The following TTC23 variants were observed in gnomAD, a reference collection of about 807,000 sequenced individuals.
TTC23 encodes the protein tetratricopeptide repeat domain 23.
TTC23 carries 58 observed loss-of-function variants against 55.1 expected under a neutral mutation model. The ratio of observed to expected loss-of-function variants is 1.05; its 90% CI spans 0.85 to 1.31. The LOEUF (loss-of-function observed/expected upper bound fraction) is 1.31. TTC23 is among the 50% of genes most tolerant of loss of function. TTC23 has a pLI of 0.00. For missense variants in TTC23, 516 were observed against 534.4 expected (o/e 0.97, Z 0.34); for synonymous variants, 203 against 199.9 (o/e 1.02, Z -0.13).
At chr15:99,197,286 T>C (rs2075814598) in intron 9 of TTC23, among the ~76,000 whole-genome samples, 1 of 151,966 alleles carries the variant, frequency 6.6e-6, no homozygotes, top group Non-Finnish European at 1.5e-5. Context: ...GTATTGTTAG[T>C]AGAGATGGGG....
At chr15:99,223,668 G>C (rs1343228801) in intron 5 of TTC23, among the ~76,000 whole-genome samples, 1 of 152,224 alleles carries the variant, frequency 6.6e-6, no homozygotes, top group Non-Finnish European at 1.5e-5. Context: ...TGGCCCCATG[G>C]AGAGAAGACC....
chr15:99,176,332 C>A (rs2073547449), intron 9 of TTC23, among the ~76,000 whole-genome samples: 7 of 152,126 alleles, frequency 4.6e-5, no homozygotes, highest in Admixed American at 4.6e-4. Context: ...CATGAGTAGG[C>A]CAGGCATGGT....
At chr15:99,247,611 T>C (rs2080361638) in intron 1 of TTC23, among the ~76,000 whole-genome samples, 1 of 152,166 alleles carries the variant, frequency 6.6e-6, no homozygotes, top group Admixed American at 6.5e-5. Flanking sequence ...ATGCAAAGGA[T>C]CGCATAATGT....
At chr15:99,222,922 G>T (rs916596541) in intron 5 of TTC23, among the ~76,000 whole-genome samples, 1 of 152,174 alleles carries the variant, frequency 6.6e-6, no homozygotes, top group Admixed American at 6.5e-5. Flanking sequence ...GTGTGAACCC[G>T]GGAGGCGGAG....
intron 9 of TTC23, among the ~76,000 whole-genome samples, chr15:99,182,283 CACACACAT>C (rs1022139625): frequency 6.0e-5 from 9 of 151,040 alleles, no homozygotes; most frequent in African/African-American, 1.2e-4. Context: ...CACACACACA[CACACACAT>C]AATCATAACC....
chr15:99,175,888 G>A (rs2073493855), intron 9 of TTC23, among the ~76,000 whole-genome samples: 1 of 152,160 alleles, frequency 6.6e-6, no homozygotes, highest in Non-Finnish European at 1.5e-5. Context: ...CCAGCTATTT[G>A]GAAGGCTGAG....
Position 99,234,739 on chromosome 15 carries a change from G to A in TTC23, c.-21+249C>T, listed in dbSNP as rs551408743. ...ATATACCAAGAACAAATAAGCACAT[G>A]CTTTATATTCAACATTATTAGGCAT... On this transcript the variant is annotated intron_variant, in intron 4 of 13. Transcript: ENST00000394132. 7.2e-5 allele frequency among the ~76,000 whole-genome samples: 11 copies of A among 152,164 alleles called. No individual in the cohort carries two copies. The East Asian group carries it at 2.1e-3, about 29-fold the overall frequency.
At chr15:99,144,658 TG>T (rs2151842341) in intron 12 of TTC23, 1 of 152,354 alleles carries the variant, frequency 6.6e-6, no homozygotes, top group African/African-American at 2.4e-5. Context: ...CAAGGCTACG[TG>T]ACTCCATAAT....
At chr15:99,247,415 G>T (rs1297277889) in intron 1 of TTC23, among the ~76,000 whole-genome samples, 1 of 152,156 alleles carries the variant, frequency 6.6e-6, no homozygotes, top group Non-Finnish European at 1.5e-5. Flanking sequence ...TGTATTTACT[G>T]TAATACAATT....
rs529501504 is a variant in TTC23 at position 99,136,634 on chromosome 15, A to G, written c.*1376T>C. On this transcript the variant is annotated 3_prime_UTR_variant, in exon 14 of 14. Transcript: ENST00000394132. Reference sequence around the variant, plus strand: ...CTCATAACCTAATCACCTCTCCAAGACCCCACCCCCAATACCATCCCTTTG... The same window carrying G: ...CTCATAACCTAATCACCTCTCCAAGGCCCCACCCCCAATACCATCCCTTTG... 2 of 152,154 alleles carry G rather than the reference A, an allele frequency of 1.3e-5. No homozygotes were observed. Among genetic ancestry groups the G allele is most frequent in the African/African-American group, 4.8e-5 (2 of 41,460 alleles). The allele number at this position is 152,154 out of a possible 1,614,324, so 9.4% of individuals were successfully genotyped here. A position where few individuals can be genotyped will look rare whatever the true frequency, so the allele number is the denominator to read the frequency against.
intron 9 of TTC23, among the ~76,000 whole-genome samples, chr15:99,184,630 C>T (rs2074490432): frequency 6.6e-6 from 1 of 152,132 alleles, no homozygotes; most frequent in African/African-American, 2.4e-5. Flanking sequence ...TAGGAAGTAA[C>T]TAACTTGCTT....
chr15:99,174,818 T>C (rs1292620042), intron 10 of TTC23, among the ~76,000 whole-genome samples: 1 of 152,182 alleles, frequency 6.6e-6, no homozygotes, highest in Non-Finnish European at 1.5e-5. Flanking sequence ...TGGATAGAGA[T>C]TGGCTGTATT....
chr15:99,147,553 A>AT (rs1410416408), intron 12 of TTC23, among the ~76,000 whole-genome samples: 1 of 152,204 alleles, frequency 6.6e-6, no homozygotes, highest in Non-Finnish European at 1.5e-5. Flanking sequence ...CAAAATAAGA[A>AT]TGAATGACCA....
At chr15:99,148,271 G>A (rs1371811446) in intron 12 of TTC23, among the ~76,000 whole-genome samples, 1 of 143,238 alleles carries the variant, frequency 7.0e-6, no homozygotes, top group Non-Finnish European at 1.5e-5. Flanking sequence ...TGAGGCAGGG[G>A]AATCGCTTGA....
chr15:99,199,920 T>C lies in TTC23; in HGVS notation c.758A>G (p.Gln253Arg). 1.9e-6 allele frequency: 3 copies of C among 1,610,614 alleles called. No homozygotes were observed. The South Asian group carries it at 3.3e-5, about 18-fold the overall frequency. The change falls in exon 9 of 14, where the codon CAG becomes CGG. Residue 253 changes from glutamine (Q) to arginine (R), a missense_variant and splice_region_variant. Transcript: ENST00000394132. ...LHDVSINHFLQAHLIILSRSP... is the reference protein window; with the variant it reads ...LHDVSINHFLRAHLIILSRSP... ...GGTAGCCAGGACCTTGTAGCTTACCTGGAGGAAGTGGTTGATGGATACATC... is the reference window on the plus strand; with the variant it reads ...GGTAGCCAGGACCTTGTAGCTTACCCGGAGGAAGTGGTTGATGGATACATC...
At chr15:99,197,157 C>T (rs1200656277) in intron 9 of TTC23, among the ~76,000 whole-genome samples, 2 of 151,190 alleles carry the variant, frequency 1.3e-5, no homozygotes, top group African/African-American at 4.9e-5. Context: ...GGCTGGAATG[C>T]AGTGGCGCGA....
intron 6 of TTC23, among the ~76,000 whole-genome samples, chr15:99,219,494 CAG>C (rs1382396112): frequency 6.6e-6 from 1 of 152,094 alleles, no homozygotes; most frequent in Non-Finnish European, 1.5e-5. Context: ...ATCATAATGT[CAG>C]AGAGTTATTT....
At chr15:99,185,772 G>A (rs541360112) in intron 9 of TTC23, among the ~76,000 whole-genome samples, 14 of 152,246 alleles carry the variant, frequency 9.2e-5, no homozygotes, top group South Asian at 4.1e-4. Flanking sequence ...GGACCCCTGC[G>A]GCAGAGGGAG....
chr15:99,232,168 T>C (rs1223068020), intron 4 of TTC23, among the ~76,000 whole-genome samples: 1 of 150,926 alleles, frequency 6.6e-6, no homozygotes, highest in Non-Finnish European at 1.5e-5. Flanking sequence ...AAAAAGCTTA[T>C]AGAGTAAGGA....
Sources: allele counts gnomAD v4.1 joint callset (sites outside exome capture counted in the v4.1 genomes callset), GRCh38; gene constraint gnomAD v4.1.1; transcripts MANE v1.5; gene names NCBI Gene and HGNC (gene_info 2026-07-23, HGNC 2026-07-21).